The following MYO16 variants were observed in gnomAD, a reference collection of about 807,000 sequenced individuals.
MYO16 encodes myosin XVI, also known as unconventional myosin-XVI.
A neutral mutation model predicts 205.3 loss-of-function variants in MYO16; 94 were observed. The observed-to-expected ratio is 0.46, with a 90% CI of 0.39 to 0.54. The LOEUF (loss-of-function observed/expected upper bound fraction) is 0.54. Ranked by LOEUF, MYO16 falls within the 20% of genes least tolerant of loss-of-function variation. The probability of loss-of-function intolerance (pLI) is 0.00; values close to 1 mark genes in which losing one functional copy is unlikely to be tolerated. For missense variants in MYO16, 2,315 were observed against 2,387.5 expected (o/e 0.97, Z 0.63); for synonymous variants, 988 against 954.0 (o/e 1.04, Z -0.66).
intron 1 of MYO16, among the ~76,000 whole-genome samples, chr13:108,621,969 G>GA (rs11338346): frequency 1.3e-4 from 19 of 150,332 alleles, no homozygotes; most frequent in East Asian, 5.9e-4. Context: ...GAAATGTATA[G>GA]AAAAAAAAAC....
the MYO16 span, among the ~76,000 whole-genome samples, chr13:108,547,005 G>A: frequency 6.6e-6 from 1 of 152,058 alleles, no homozygotes. Flanking sequence ...GGGTACGGTG[G>A]CTCACCCCTG....
rs574005260 is a variant in MYO16 at position 109,111,904 on chromosome 13, T to C, written c.3439-8466T>C. Among the ~76,000 whole-genome samples the C allele has an allele frequency of 2.6e-5, 4 of 152,244 alleles. No individual in the cohort carries two copies. In the South Asian group the frequency reaches 6.2e-4, roughly 24 times the overall value. On this transcript the variant is annotated intron_variant, in intron 28 of 34. Coordinates refer to ENST00000457511, the MANE Select transcript of MYO16 (RefSeq NM_001198950.3). ...GGTTTCACCATGTTAGCCAGGATGG[T>C]CTCAATCTCCTGACCTCATGATCCA...
intron 27 of MYO16, among the ~76,000 whole-genome samples, chr13:109,078,210 G>T (rs2139663885): frequency 6.6e-6 from 1 of 151,166 alleles, no homozygotes; most frequent in African/African-American, 2.4e-5. Context: ...CAGGCAAATT[G>T]CCTGAGCTGA....
chr13:108,701,237 A>G (rs958670811), intron 2 of MYO16, among the ~76,000 whole-genome samples: 8 of 152,062 alleles, frequency 5.3e-5, no homozygotes, highest in Admixed American at 2.0e-4. Context: ...AAGTCTCCAC[A>G]TTTTATTATT....
chr13:108,727,484 C>T lies in MYO16; in HGVS notation c.408C>T (p.Asp136=), dbSNP rs1371204827. 1.9e-6 allele frequency: 3 copies of T among 1,613,834 alleles called. No individual in the cohort carries two copies. Among genetic ancestry groups the T allele is most frequent in the Admixed American group, 1.7e-5 (1 of 59,994 alleles). ...CCTTCATTGCAGAAATTCTGATTGA[C>T]AGAGGAGTCAACGTCAACCACCAGG... ...DNAFIAEILI[D]RGVNVNHQDE... is the part of the protein sequence containing the mutation. The change falls in exon 4 of 35, where the codon GAC becomes GAT. Residue 136 remains aspartate, a synonymous_variant. Coordinates refer to ENST00000457511, the MANE Select transcript of MYO16 (RefSeq NM_001198950.3).
chr13:108,545,225 T>G, the MYO16 span, among the ~76,000 whole-genome samples: 1 of 152,198 alleles, frequency 6.6e-6, no homozygotes, highest in African/African-American at 2.4e-5. Flanking sequence ...ACTGGATGTT[T>G]AGCTTCCATT....
chr13:108,546,359 T>C, the MYO16 span, among the ~76,000 whole-genome samples: 2 of 152,112 alleles, frequency 1.3e-5, no homozygotes. Flanking sequence ...TCTAGGGCAG[T>C]TGGTTTTAAG....
chr13:109,056,896 T>C (rs1887434660), intron 27 of MYO16, among the ~76,000 whole-genome samples: 1 of 152,130 alleles, frequency 6.6e-6, no homozygotes, highest in South Asian at 2.1e-4. Flanking sequence ...ATTGCAAGTG[T>C]GAAATCTCGC....
chr13:108,985,668 C>G (rs1001782975), intron 20 of MYO16, among the ~76,000 whole-genome samples: 1 of 152,214 alleles, frequency 6.6e-6, no homozygotes, highest in Non-Finnish European at 1.5e-5. Flanking sequence ...TTGCTGATAT[C>G]TTTCTACTGA....
chr13:109,065,567 G>GAAA (rs760068229), intron 27 of MYO16: 1 of 476,224 alleles, frequency 2.1e-6, no homozygotes, highest in South Asian at 1.6e-5. Flanking sequence ...AAACTGCTTT[G>GAAA]AAAAGTCCCT....
the MYO16 span, among the ~76,000 whole-genome samples, chr13:108,551,389 G>C: frequency 6.6e-6 from 1 of 152,162 alleles, no homozygotes; most frequent in Non-Finnish European, 1.5e-5. Flanking sequence ...GACTGGTCCT[G>C]CCTGGCTATC....
At chr13:108,698,290 TG>T (rs2139512086) in intron 2 of MYO16, among the ~76,000 whole-genome samples, 1 of 152,282 alleles carries the variant, frequency 6.6e-6, no homozygotes, top group Admixed American at 6.5e-5. Flanking sequence ...AAGGAGGTAA[TG>T]TTCAGAAAAG....
intron 27 of MYO16, among the ~76,000 whole-genome samples, chr13:109,069,729 G>A (rs890969688): frequency 1.3e-5 from 2 of 151,992 alleles, no homozygotes; most frequent in Admixed American, 1.3e-4. Flanking sequence ...TTGAATCAGG[G>A]CCCCACCCTT....
intron 34 of MYO16, among the ~76,000 whole-genome samples, chr13:109,180,236 A>G (rs1325066594): frequency 6.6e-6 from 1 of 152,244 alleles, no homozygotes; most frequent in Non-Finnish European, 1.5e-5. Context: ...AAACAAGATT[A>G]TCACTTCAAG....
upstream of MYO16, among the ~76,000 whole-genome samples, chr13:108,592,091 C>G: frequency 2.3e-5 from 1 of 42,786 alleles, no homozygotes; most frequent in Middle Eastern, 0.023. Flanking sequence ...GGTGGAGGTG[C>G]AGGGGGCTGT....
At chr13:108,728,378 A>C (rs10492418) in intron 4 of MYO16, among the ~76,000 whole-genome samples, 66,242 of 151,966 alleles carry the variant, frequency 0.44, 15,390 homozygotes, top group Non-Finnish European at 0.54. Flanking sequence ...CATTGTCAGA[A>C]GTCCATTTTT....
intron 16 of MYO16, among the ~76,000 whole-genome samples, chr13:108,934,779 C>A (rs1463484868): frequency 6.6e-6 from 1 of 152,052 alleles, no homozygotes; most frequent in Non-Finnish European, 1.5e-5. Context: ...ATCTTTAATT[C>A]ATTTTCAGTT....
At chr13:108,715,223 C>T (rs1423833387) in intron 3 of MYO16, among the ~76,000 whole-genome samples, 1 of 152,162 alleles carries the variant, frequency 6.6e-6, no homozygotes, top group Non-Finnish European at 1.5e-5. Context: ...TGTGCTCTTG[C>T]CGGGTTTCCA....
At chr13:108,821,825 A>G (rs923296131) in intron 8 of MYO16, among the ~76,000 whole-genome samples, 3 of 152,130 alleles carry the variant, frequency 2.0e-5, no homozygotes, top group Non-Finnish European at 2.9e-5. Flanking sequence ...CTTTTACCAC[A>G]TTGGTCATGC....
Sources: gnomAD v4.1 joint callset for allele counts (sites outside exome capture counted in the v4.1 genomes callset) on GRCh38, gnomAD v4.1.1 for gene constraint, MANE v1.5 for transcripts, NCBI Gene and HGNC (gene_info 2026-07-23, HGNC 2026-07-21) for gene names.